The following UTP4 variants were observed in gnomAD, a reference collection of about 807,000 sequenced individuals.
UTP4 encodes the protein UTP4 small subunit processome component, also known as U3 small nucleolar RNA-associated protein 4 homolog.
Under a neutral mutation model 82.4 loss-of-function variants are expected in UTP4, and 45 were observed. That is an observed-to-expected ratio of 0.55 (90% CI 0.43 to 0.70). The LOEUF is 0.70. Ranked by LOEUF, UTP4 falls within the 30% of genes least tolerant of loss-of-function variation. The probability of loss-of-function intolerance (pLI) is 0.00; values close to 1 mark genes in which losing one functional copy is unlikely to be tolerated. For synonymous variants in UTP4, 348 were observed against 300.3 expected (o/e 1.16, Z -1.64); for missense variants, 819 against 858.3 (o/e 0.95, Z 0.57).
chr16:69,150,038 G>T (rs1489463765), intron 6 of UTP4, among the ~76,000 whole-genome samples: 1 of 151,894 alleles, frequency 6.6e-6, no homozygotes, highest in Non-Finnish European at 1.5e-5. Context: ...GATGTTTCTT[G>T]GATATTTTTA....
chr16:69,141,055 C>G (rs1962947145), intron 5 of UTP4, among the ~76,000 whole-genome samples: 1 of 152,194 alleles, frequency 6.6e-6, no homozygotes, highest in South Asian at 2.1e-4. Context: ...CTCTGTCTCT[C>G]TGTCTTACTG....
intron 14 of UTP4, 44 bp from the exon 15 acceptor site, chr16:69,165,297 T>G: frequency 6.4e-7 from 1 of 1,571,618 alleles, no homozygotes; most frequent in African/African-American, 1.3e-5. Flanking sequence ...TTCTGGTCTT[T>G]CTGAGTACCA....
chr16:69,152,464 C>CT (rs58914042), intron 8 of UTP4, among the ~76,000 whole-genome samples: 11,770 of 107,008 alleles, frequency 0.11, 750 homozygotes, highest in Non-Finnish European at 0.13. Flanking sequence ...TTCTGTTTTT[C>CT]TTTTTTTTTT....
At chr16:69,165,036 A>C (rs1330228151) in intron 14 of UTP4, among the ~76,000 whole-genome samples, 5 of 152,028 alleles carry the variant, frequency 3.3e-5, no homozygotes, top group Non-Finnish European at 5.9e-5. Context: ...TCTACTAAAA[A>C]TACAAAAAAT....
intron 6 of UTP4, 108 bp downstream of exon 6, chr16:69,143,497 T>A: frequency 1.0e-6 from 1 of 972,964 alleles, no homozygotes; most frequent in African/African-American, 1.6e-5. Flanking sequence ...CCTGATGTTG[T>A]ACTGGAGGAA....
intron 6 of UTP4, among the ~76,000 whole-genome samples, chr16:69,144,975 C>T (rs2152278625): frequency 6.6e-6 from 1 of 152,112 alleles, no homozygotes; most frequent in Non-Finnish European, 1.5e-5. Flanking sequence ...AACCCTGTCT[C>T]TACTAAAAAT....
At chr16:69,168,690 A>G in intron 16 of UTP4, 131 bp from the exon 17 acceptor site, 1 of 750,324 alleles carries the variant, frequency 1.3e-6, no homozygotes. Flanking sequence ...AAAGATTGTC[A>G]AGAAATTTAA....
At chr16:69,133,358 G>A in intron 1 of UTP4, 100 bp from the exon 2 acceptor site, 4 of 1,161,270 alleles carry the variant, frequency 3.4e-6, no homozygotes, top group Non-Finnish European at 3.8e-6. Context: ...AGATGTTGTT[G>A]GAGCCTTCCA....
At chr16:69,141,043 G>T (rs1962946823) in intron 5 of UTP4, among the ~76,000 whole-genome samples, 1 of 152,146 alleles carries the variant, frequency 6.6e-6, no homozygotes, top group African/African-American at 2.4e-5. Flanking sequence ...GTTTAATAGT[G>T]TCTCTGTCTC....
intron 6 of UTP4, among the ~76,000 whole-genome samples, chr16:69,147,357 T>C (rs1597140396): frequency 6.6e-6 from 1 of 151,328 alleles, no homozygotes; most frequent in Non-Finnish European, 1.5e-5. Flanking sequence ...ACAAAAAAAT[T>C]AGCTGGGCGT....
In UTP4 at chr16:69,163,141, A is replaced by G. The variant is rs138922775; in HGVS notation, c.1610A>G (p.Asn537Ser). The change falls in exon 14 of 17, where the codon AAT becomes AGT. Residue 537 changes from asparagine (N) to serine (S), a missense_variant. Transcript: ENST00000314423. ...FPVTAMAIAPNTNNLVIAHSD... is the reference protein window; with the variant it reads ...FPVTAMAIAPSTNNLVIAHSD... ...GTGACTGCTATGGCTATTGCCCCCA[A>G]TACCAACAACCTTGTCATCGCTCAT... The G allele has an allele frequency of 6.0e-5, 97 of 1,614,146 alleles. No individual in the cohort carries two copies. The highest frequency in any genetic ancestry group is 1.2e-4 in the South Asian group (11 of 91,088).
intron 2 of UTP4, among the ~76,000 whole-genome samples, chr16:69,134,686 CT>C (rs1020282381): frequency 1.2e-4 from 18 of 144,930 alleles, no homozygotes; most frequent in East Asian, 4.1e-4. Flanking sequence ...CTGTGATTTT[CT>C]TTTTTTTTCT....
intron 12 of UTP4, among the ~76,000 whole-genome samples, chr16:69,157,444 C>G (rs1322638134): frequency 1.3e-5 from 2 of 152,192 alleles, no homozygotes; most frequent in Non-Finnish European, 2.9e-5. Flanking sequence ...CACACCTACT[C>G]TTTTCTCACT....
intron 2 of UTP4, among the ~76,000 whole-genome samples, chr16:69,134,231 G>T (rs1451041351): frequency 2.0e-5 from 3 of 152,060 alleles, no homozygotes; most frequent in African/African-American, 7.2e-5. Context: ...TTGAATGACT[G>T]TTATGTACTG....
intron 15 of UTP4, chr16:69,166,691 G>C (rs1247040422): frequency 4.1e-6 from 1 of 242,156 alleles, no homozygotes; most frequent in African/African-American, 2.3e-5. Flanking sequence ...TGTGTGGGCT[G>C]AGCTCCTGCA....
chr16:69,135,035 C>T (rs76400416), intron 2 of UTP4, among the ~76,000 whole-genome samples: 1 of 147,318 alleles, frequency 6.8e-6, no homozygotes, highest in Admixed American at 6.8e-5. Context: ...TTTTTTTTAA[C>T]AGTCATGGCC....
At chr16:69,132,929 G>A (rs1258270284) in intron 1 of UTP4, 2 of 205,000 alleles carry the variant, frequency 9.8e-6, no homozygotes, top group Non-Finnish European at 2.0e-5. Flanking sequence ...TAACCTTGAA[G>A]CTAGGCCAGT....
intron 6 of UTP4, among the ~76,000 whole-genome samples, chr16:69,148,936 TTG>T (rs1963190537): frequency 6.6e-6 from 1 of 152,024 alleles, no homozygotes; most frequent in Non-Finnish European, 1.5e-5. Context: ...GTGTTGTGAG[TTG>T]TGTTTTTTTG....
rs374902678 is a variant in UTP4 at position 69,137,983 on chromosome 16, A to G, written c.436+98A>G. The G allele has an allele frequency of 3.2e-5, 26 of 810,342 alleles. No individual in the cohort carries two copies. The East Asian group carries it at 5.9e-4, about 18-fold the overall frequency. 50.2% of individuals were successfully genotyped at this position (810,342 alleles called of 1,614,324 possible). ...ATATTTTCCCATGAATCCAGGTAATATTTTATCTCTACTGGGTACAGGGAG... is the reference window on the plus strand; with the variant it reads ...ATATTTTCCCATGAATCCAGGTAATGTTTTATCTCTACTGGGTACAGGGAG... On this transcript the variant is annotated intron_variant, in intron 4 of 16. Transcript: ENST00000314423.
Sources: allele counts gnomAD v4.1 joint callset (sites outside exome capture counted in the v4.1 genomes callset), GRCh38; gene constraint gnomAD v4.1.1; transcripts MANE v1.5; gene names NCBI Gene and HGNC (gene_info 2026-07-23, HGNC 2026-07-21).